PCDHGB2: variants seen among roughly 807,000 people sequenced by gnomAD.
PCDHGB2 encodes the protein protocadherin gamma subfamily B, 2, also known as protocadherin gamma-B2.
PCDHGB2 carries 55 observed loss-of-function variants against 59.3 expected under a neutral mutation model. The observed-to-expected ratio is 0.93, with a 90% CI of 0.75 to 1.16. The LOEUF (loss-of-function observed/expected upper bound fraction) is 1.16, where lower values mean the gene tolerates loss of function less well. Ranked by LOEUF, PCDHGB2 falls within the 50% of genes most tolerant of loss-of-function variation. PCDHGB2 has a pLI of 0.00. For missense variants in PCDHGB2, 1,228 were observed against 1,198.5 expected (o/e 1.02, Z -0.36); for synonymous variants, 516 against 512.0 (o/e 1.01, Z -0.11).
intron 1 of PCDHGB2, chr5:141,408,314 C>A (rs1408322838): frequency 1.2e-6 from 2 of 1,613,846 alleles, no homozygotes; most frequent in Admixed American, 3.3e-5. Context: ...CTACTCGATT[C>A]CGGAGGAGCT....
intron 1 of PCDHGB2, among the ~76,000 whole-genome samples, chr5:141,479,817 A>T (rs773702225): frequency 6.6e-6 from 1 of 152,230 alleles, no homozygotes; most frequent in Non-Finnish European, 1.5e-5. Flanking sequence ...CAAGGATACT[A>T]TCCAAGGCAT....
chr5:141,388,161 G>A (rs2150354529), intron 1 of PCDHGB2: 4 of 1,475,088 alleles, frequency 2.7e-6, no homozygotes, highest in South Asian at 1.2e-5. Flanking sequence ...GCTAGACAGG[G>A]AGGAGATATG....
chr5:141,394,152 G>A lies in PCDHGB2; in HGVS notation c.2421+31596G>A, dbSNP rs141035845. 5.0e-3 allele frequency: 8,040 copies of A among 1,613,782 alleles called. 48 individuals are homozygous for A. Among genetic ancestry groups the A allele is most frequent in the Admixed American group, 9.4e-3 (566 of 59,984 alleles). On this transcript the variant is annotated intron_variant, in intron 1 of 3. Coordinates refer to ENST00000522605, the MANE Select transcript of PCDHGB2 (RefSeq NM_018923.3). ...CGCTCTGCACGTGGCAGACATTAAC[G>A]ACAACCCTCCTACTTTCCCTCATGC...
intron 1 of PCDHGB2, among the ~76,000 whole-genome samples, chr5:141,438,458 G>A (rs1462204360): frequency 6.6e-6 from 1 of 151,538 alleles, no homozygotes. Context: ...CAATGCTTGA[G>A]TTCAATTATT....
intron 1 of PCDHGB2, chr5:141,399,220 A>T: frequency 6.2e-7 from 1 of 1,613,966 alleles, no homozygotes; most frequent in East Asian, 2.2e-5. Flanking sequence ...AATTGCTTTG[A>T]TCAAAATACA....
At chr5:141,478,500 T>C (rs754881921) in intron 1 of PCDHGB2, 16 of 1,612,740 alleles carry the variant, frequency 9.9e-6, no homozygotes, top group Non-Finnish European at 1.4e-5. Context: ...TGTGATCCGG[T>C]GTTCTATAGG....
intron 1 of PCDHGB2, chr5:141,427,617 G>C (rs1295636754): frequency 1.4e-6 from 1 of 694,694 alleles, no homozygotes. Context: ...TGAAGTCAAC[G>C]ACAATGCTCC....
chr5:141,453,101 T>TTTCTG (rs1554138035), intron 1 of PCDHGB2, among the ~76,000 whole-genome samples: 1 of 152,012 alleles, frequency 6.6e-6, no homozygotes, highest in Non-Finnish European at 1.5e-5. Context: ...TTCTGTTGCT[T>TTTCTG]TTTTGTTTTG....
Position 141,370,001 on chromosome 5 carries a change from T to G in PCDHGB2, c.2421+7445T>G, listed in dbSNP as rs371025652. Among the ~76,000 whole-genome samples the G allele has an allele frequency of 8.5e-5, 13 of 152,322 alleles. No homozygotes were observed. The South Asian group carries it at 2.5e-3, about 29-fold the overall frequency. On this transcript the variant is annotated intron_variant, in intron 1 of 3. Transcript: ENST00000522605. ...TGATTTGGATGGATAAAGCTCAAATTAAAAGAAATAACAGACTAAAGATAT... is the reference window on the plus strand; with the variant it reads ...TGATTTGGATGGATAAAGCTCAAATGAAAAGAAATAACAGACTAAAGATAT...
At chr5:141,371,827 A>AT (rs1561552791) in intron 1 of PCDHGB2, 3 of 1,613,784 alleles carry the variant, frequency 1.9e-6, no homozygotes, top group Admixed American at 3.3e-5. Context: ...AGAGCCTCGG[A>AT]TCCCGACTTG....
Position 141,360,159 on chromosome 5 carries a change from C to A in PCDHGB2, c.24C>A (p.Cys8Ter), listed in dbSNP as rs1325055088. 15 of 1,604,390 alleles carry A rather than the reference C, an allele frequency of 9.3e-6. No homozygotes were observed. Among genetic ancestry groups the A allele is most frequent in the East Asian group, 2.2e-5 (1 of 44,500 alleles). Residue 8 changes from cysteine (C) to a stop codon, truncating the protein, a stop_gained, in exon 1 of 4, where the codon TGC (cysteine) becomes TGA (stop). Transcript: ENST00000522605. LOFTEE classifies it high-confidence loss of function. ...AGATGAAAGCGAGCTCAGGGAGGTG[C>A]GGGCTGGTGCGGTGGCTGCAGGTAC... is the stretch of plus-strand genomic sequence containing the variant. The part of the protein sequence containing the change: MKASSGR[C>*]GLVRWLQVLL...
intron 1 of PCDHGB2, among the ~76,000 whole-genome samples, chr5:141,460,508 G>C (rs1390313220): frequency 6.6e-6 from 1 of 152,040 alleles, no homozygotes; most frequent in East Asian, 1.9e-4. Context: ...TGCTGAGAAG[G>C]CTATCTTTTC....
chr5:141,447,257 A>G (rs1182682161), intron 1 of PCDHGB2, among the ~76,000 whole-genome samples: 1 of 152,080 alleles, frequency 6.6e-6, no homozygotes, highest in Non-Finnish European at 1.5e-5. Flanking sequence ...CTTCTGTCTC[A>G]GCCTCCCAAG....
At position 141,512,903 on chromosome 5, in the gene PCDHGB2, CAA is replaced by C. The variant is rs2099884494; in HGVS notation, c.*1731_*1732del. The C allele has an allele frequency of 6.6e-6, 1 of 152,224 alleles. No individual in the cohort carries two copies. Among genetic ancestry groups the C allele is most frequent in the African/African-American group, 2.4e-5 (1 of 41,452 alleles). 9.4% of individuals were successfully genotyped at this position (152,224 alleles called of 1,614,324 possible). On this transcript the variant is annotated 3_prime_UTR_variant, in exon 4 of 4. Transcript: ENST00000522605. ...CCCCACCCTCTTCCTGTGTCTCACG[CAA>C]GTTTTATACTCTAATATTTATATGG...
chr5:141,419,645 G>T, intron 1 of PCDHGB2: 1 of 1,612,478 alleles, frequency 6.2e-7, no homozygotes, highest in African/African-American at 1.3e-5. Context: ...GGCCGTGGAC[G>T]CGGACTCGGG....
rs544291535 is a variant in PCDHGB2 at position 141,433,938 on chromosome 5, C to T, written c.2422-60869C>T. 4.6e-5 allele frequency among the ~76,000 whole-genome samples: 7 copies of T among 151,784 alleles called. No homozygotes were observed. The South Asian group carries it at 1.3e-3, about 27-fold the overall frequency. On this transcript the variant is annotated intron_variant, in intron 1 of 3. Coordinates refer to ENST00000522605, the MANE Select transcript of PCDHGB2 (RefSeq NM_018923.3). ...CCTCCAAATGAAGATTTTATAATTCCATTGTTTCTTCTACAGTTGTTAATT... is the reference window on the plus strand; with the variant it reads ...CCTCCAAATGAAGATTTTATAATTCTATTGTTTCTTCTACAGTTGTTAATT...
chr5:141,444,640 G>A (rs192148868), intron 1 of PCDHGB2, among the ~76,000 whole-genome samples: 3 of 152,196 alleles, frequency 2.0e-5, no homozygotes, highest in Non-Finnish European at 2.9e-5. Flanking sequence ...GTTCATTGAG[G>A]TAGGGGTTGA....
At chr5:141,467,185 TG>T (rs1295935271) in intron 1 of PCDHGB2, among the ~76,000 whole-genome samples, 1 of 152,004 alleles carries the variant, frequency 6.6e-6, no homozygotes, top group African/African-American at 2.4e-5. Context: ...CCCAAGTAGC[TG>T]GGATTACAGG....
intron 1 of PCDHGB2, chr5:141,405,415 G>GT (rs757320616): frequency 1.9e-6 from 3 of 1,559,568 alleles, no homozygotes; most frequent in South Asian, 2.3e-5. Context: ...TTCTTTTTTT[G>GT]TTTTTTGTTT....
Sources: allele counts gnomAD v4.1 joint callset (sites outside exome capture counted in the v4.1 genomes callset), GRCh38; gene constraint gnomAD v4.1.1; transcripts MANE v1.5; gene names NCBI Gene and HGNC (gene_info 2026-07-23, HGNC 2026-07-21).